The following FRMD6 variants were observed in gnomAD, a reference collection of about 807,000 sequenced individuals.
FRMD6 encodes FERM domain containing 6.
In FRMD6, 37 loss-of-function variants were observed where a neutral mutation model predicts 73.2. The ratio of observed to expected loss-of-function variants is 0.51; its 90% CI spans 0.39 to 0.66. FRMD6 has a LOEUF of 0.66. FRMD6 is among the 30% of genes least tolerant of loss of function. The pLI, the probability that FRMD6 is intolerant of heterozygous loss-of-function variation, is 0.00. For missense variants in FRMD6, 714 were observed against 780.5 expected (o/e 0.91, Z 1.02); for synonymous variants, 273 against 282.2 (o/e 0.97, Z 0.33).
At chr14:51,631,866 C>T (rs1405934222) in intron 2 of FRMD6, among the ~76,000 whole-genome samples, 3 of 152,102 alleles carry the variant, frequency 2.0e-5, no homozygotes, top group African/African-American at 7.2e-5. Flanking sequence ...GGTGTTTTGT[C>T]GCAACAAATT....
chr14:51,603,627 C>T (rs1890127579), intron 2 of FRMD6, among the ~76,000 whole-genome samples: 1 of 152,026 alleles, frequency 6.6e-6, no homozygotes, highest in Admixed American at 6.5e-5. Context: ...AAATGTTCTC[C>T]TGGGAGACAG....
At position 51,587,164 on chromosome 14, in the gene FRMD6, G is replaced by A. The variant is rs191729336; in HGVS notation, c.-147+16754G>A. The stretch of plus-strand genomic sequence containing the variant: ...TGTTGAATAGGGTGTCATTTTCCCA[G>A]TATATATTTTTGATGACTTTGCCAA... On this transcript the variant is annotated intron_variant, in intron 2 of 14. Coordinates refer to the FRMD6 transcript ENST00000356218. 3.3e-3 allele frequency among the ~76,000 whole-genome samples: 509 copies of A among 152,302 alleles called. 3 individuals are homozygous for A. The highest frequency in any genetic ancestry group is 3.1e-3 in the Non-Finnish European group (209 of 68,032).
At chr14:51,633,960 T>C (rs1485849975) in intron 2 of FRMD6, among the ~76,000 whole-genome samples, 7 of 152,232 alleles carry the variant, frequency 4.6e-5, no homozygotes, top group Non-Finnish European at 5.9e-5. Context: ...CTGAATCATA[T>C]TTTTAAAATG....
intron 4 of FRMD6, among the ~76,000 whole-genome samples, 200 bp from the exon 5 acceptor site, chr14:51,702,312 A>G (rs903984250): frequency 2.0e-5 from 3 of 152,044 alleles, no homozygotes; most frequent in African/African-American, 7.2e-5. Context: ...GTTTCGCTTT[A>G]TAACTTCCTA....
intron 1 of FRMD6, among the ~76,000 whole-genome samples, chr14:51,680,625 T>TC (rs2140300973): frequency 6.6e-6 from 1 of 152,216 alleles, no homozygotes; most frequent in Admixed American, 6.5e-5. Flanking sequence ...GCTTTTTTTT[T>TC]CTCTTTGATT....
At chr14:51,567,958 T>C (rs11847508) in intron 1 of FRMD6, among the ~76,000 whole-genome samples, 1,821 of 152,310 alleles carry the variant, frequency 0.012, 36 homozygotes, top group African/African-American at 0.042. Flanking sequence ...CACAAATACG[T>C]AGTTATACTA....
In FRMD6 at chr14:51,704,771, T is replaced by C; in HGVS notation, c.394T>C (p.Tyr132His). Residue 132 changes from tyrosine (Y) to histidine (H), a missense_variant, in exon 6 of 14, where the codon TAT (tyrosine) becomes CAT (histidine). Tyr to His is a moderately conservative substitution (Grantham distance 83, BLOSUM62 2). Coordinates refer to ENST00000344768, the MANE Select transcript of FRMD6 (RefSeq NM_001267046.2). The part of the protein sequence containing the change: ...LISDRAARYY[Y>H]YWHLRKQVLH... ...TAGTGACAGAGCAGCAAGATACTAT[T>C]ATTACTGGCACCTGAGAAAACAAGT... 6.2e-7 allele frequency: 1 copy of C among 1,612,762 alleles called. No individual in the cohort carries two copies. Among genetic ancestry groups the C allele is most frequent in the Middle Eastern group, 1.7e-4 (1 of 6,050 alleles).
At chr14:51,663,563 A>G (rs1479303991) in intron 1 of FRMD6, among the ~76,000 whole-genome samples, 1 of 152,230 alleles carries the variant, frequency 6.6e-6, no homozygotes, top group East Asian at 1.9e-4. Context: ...TGATGAGGAC[A>G]CATGGACACA....
intron 1 of FRMD6, among the ~76,000 whole-genome samples, chr14:51,670,913 G>A (rs952386376): frequency 6.6e-6 from 1 of 152,124 alleles, no homozygotes; most frequent in Admixed American, 6.5e-5. Context: ...TCCCAAAATG[G>A]TGGGATTACA....
At chr14:51,585,888 T>G (rs1028877064) in intron 2 of FRMD6, among the ~76,000 whole-genome samples, 17 of 143,982 alleles carry the variant, frequency 1.2e-4, no homozygotes, top group African/African-American at 3.0e-4. Flanking sequence ...AAGACATTAT[T>G]TTATTCTTTT....
the FRMD6 span, among the ~76,000 whole-genome samples, chr14:51,439,600 C>G: frequency 1.3e-5 from 2 of 152,162 alleles, no homozygotes. Context: ...GACCCACTAA[C>G]GTGTTCACTA....
chr14:51,468,060 T>G, the FRMD6 span, among the ~76,000 whole-genome samples: 5 of 152,194 alleles, frequency 3.3e-5, no homozygotes, highest in South Asian at 2.1e-4. Context: ...AGGCCTAGGC[T>G]GGCAGATCAC....
upstream of FRMD6, among the ~76,000 whole-genome samples, chr14:51,647,938 G>A (rs568537775): frequency 1.3e-5 from 2 of 152,250 alleles, no homozygotes; most frequent in East Asian, 3.9e-4. Flanking sequence ...CGATTTTCCT[G>A]CCTCAGCCTC....
the FRMD6 span, among the ~76,000 whole-genome samples, chr14:51,432,569 C>T: frequency 1.3e-5 from 2 of 152,016 alleles, no homozygotes; most frequent in Admixed American, 1.3e-4. Flanking sequence ...TACCCAGGGC[C>T]CATGTTAATT....
intron 2 of FRMD6, among the ~76,000 whole-genome samples, chr14:51,690,800 TTG>T (rs1461620484): frequency 3.3e-5 from 5 of 152,308 alleles, no homozygotes; most frequent in African/African-American, 1.2e-4. Context: ...TGCTTATGGT[TTG>T]TGAGTCATAG....
the FRMD6 span, among the ~76,000 whole-genome samples, chr14:51,475,333 CA>C: frequency 1.3e-5 from 2 of 152,158 alleles, no homozygotes; most frequent in African/African-American, 4.8e-5. Flanking sequence ...TTTCATGGTT[CA>C]ATGAAGTAAA....
chr14:51,406,150 G>A, the FRMD6 span, among the ~76,000 whole-genome samples: 2 of 151,952 alleles, frequency 1.3e-5, no homozygotes, highest in African/African-American at 4.8e-5. Flanking sequence ...TAGGTGAGCG[G>A]TCTTATTTTT....
upstream of FRMD6, chr14:51,651,743 T>G (rs1892401879): frequency 7.1e-6 from 1 of 139,922 alleles, no homozygotes; most frequent in Admixed American, 7.0e-5. Flanking sequence ...TGCCGCGAGC[T>G]CAGCGCGCAG....
At chr14:51,486,127 C>G (rs888147949), upstream of FRMD6, among the ~76,000 whole-genome samples, 1 of 151,906 alleles carries the variant, frequency 6.6e-6, no homozygotes, top group Non-Finnish European at 1.5e-5. Flanking sequence ...CTCCGCCTCC[C>G]GGGTTCACGT....
Sources: allele counts gnomAD v4.1 joint callset (sites outside exome capture counted in the v4.1 genomes callset), GRCh38; gene constraint gnomAD v4.1.1; transcripts MANE v1.5; gene names NCBI Gene and HGNC (gene_info 2026-07-23, HGNC 2026-07-21).